The following EPHA4 variants were observed in gnomAD, a reference collection of about 807,000 sequenced individuals.
EPHA4 encodes the protein ephrin type-A receptor 4.
In EPHA4, 19 loss-of-function variants were observed where a neutral mutation model predicts 108.3. That is an observed-to-expected ratio of 0.18 (90% CI 0.12 to 0.26). The LOEUF is 0.26. EPHA4 is among the 10% of genes least tolerant of loss of function. The pLI, the probability that EPHA4 is intolerant of heterozygous loss-of-function variation, is 1.00. For synonymous variants in EPHA4, 449 were observed against 455.5 expected (o/e 0.99, Z 0.18); for missense variants, 917 against 1,254.0 (o/e 0.73, Z 4.06).
rs78592838 is a variant in EPHA4 at position 221,434,304 on chromosome 2, G to A, written c.2347-13C>T. 5.5e-3 allele frequency: 8,929 copies of A among 1,612,912 alleles called. 40 individuals are homozygous for A. The highest frequency in any genetic ancestry group is 6.8e-3 in the Non-Finnish European group (7,980 of 1,179,448). On this transcript the variant is annotated splice_polypyrimidine_tract_variant and intron_variant, in intron 13 of 17. Coordinates refer to ENST00000281821, the MANE Select transcript of EPHA4 (RefSeq NM_004438.5). The stretch of plus-strand genomic sequence containing the variant: ...GAATCTTGCCACCCTGTGAACATTT[G>A]AGCCATAAGTTATTCCTTAAGTACA...
chr2:221,468,866 A>T (rs1051938593), intron 5 of EPHA4, among the ~76,000 whole-genome samples: 3 of 152,260 alleles, frequency 2.0e-5, no homozygotes, highest in Non-Finnish European at 4.4e-5. Flanking sequence ...CAATAAATAG[A>T]TCCACTATGG....
chr2:221,426,319 G>C lies in EPHA4; in HGVS notation c.2846+145C>G, dbSNP rs1689908877. The C allele has an allele frequency of 2.8e-6, 3 of 1,064,576 alleles. No individual in the cohort carries two copies. In the Admixed American group the frequency reaches 8.3e-5, roughly 30 times the overall value. The allele number at this position is 1,064,576 out of a possible 1,614,324, so 65.9% of individuals were successfully genotyped here. ...TGCAAGAATGTAGATACTTTATAGA[G>C]GCTGTGTAAAATTATACTCAATCAA... On this transcript the variant is annotated intron_variant, in intron 16 of 17. Coordinates refer to ENST00000281821, the MANE Select transcript of EPHA4 (RefSeq NM_004438.5).
At chr2:221,560,389 G>T (rs1025795205) in intron 3 of EPHA4, among the ~76,000 whole-genome samples, 3 of 151,522 alleles carry the variant, frequency 2.0e-5, no homozygotes, top group Non-Finnish European at 4.4e-5. Flanking sequence ...CTTTTTGCTC[G>T]TTCAAAGGAA....
intron 3 of EPHA4, among the ~76,000 whole-genome samples, chr2:221,547,939 C>T (rs1448856387): frequency 6.6e-6 from 1 of 152,192 alleles, no homozygotes; most frequent in Non-Finnish European, 1.5e-5. Flanking sequence ...ATTCCAGATA[C>T]TTTTGTGAAA....
intron 3 of EPHA4, among the ~76,000 whole-genome samples, chr2:221,558,428 G>A (rs13427478): frequency 0.01 from 1,520 of 151,870 alleles, 30 homozygotes; most frequent in African/African-American, 0.034. Context: ...CCAATTACCC[G>A]TTCCCCCACC....
intron 3 of EPHA4, among the ~76,000 whole-genome samples, chr2:221,528,165 T>C (rs773889279): frequency 1.3e-5 from 2 of 152,232 alleles, no homozygotes; most frequent in Non-Finnish European, 2.9e-5. Flanking sequence ...CTGTAATCCA[T>C]AGTAAAAGTC....
chr2:221,545,324 C>T (rs1467752320), intron 3 of EPHA4, among the ~76,000 whole-genome samples: 1 of 152,022 alleles, frequency 6.6e-6, no homozygotes, highest in East Asian at 1.9e-4. Context: ...AAAAAATTAG[C>T]CAGGCGTGGT....
At chr2:221,458,012 C>T in intron 5 of EPHA4, 22 bp from the exon 6 acceptor site, 6 of 1,597,584 alleles carry the variant, frequency 3.8e-6, no homozygotes, top group Non-Finnish European at 5.1e-6. Flanking sequence ...AAACAAAAGA[C>T]AAAAGATATT....
intron 14 of EPHA4, among the ~76,000 whole-genome samples, chr2:221,432,138 T>G (rs934633134): frequency 2.8e-5 from 4 of 144,704 alleles, no homozygotes; most frequent in Admixed American, 6.8e-5. Flanking sequence ...TTTTTTTATA[T>G]ATATGTGTGT....
chr2:221,469,552 C>T (rs1691413125), intron 5 of EPHA4, among the ~76,000 whole-genome samples: 1 of 152,108 alleles, frequency 6.6e-6, no homozygotes, highest in Admixed American at 6.6e-5. Flanking sequence ...GCTCAAGGGG[C>T]TGAATTCCTT....
chr2:221,437,455 A>T (rs1324514635), intron 11 of EPHA4: 1 of 206,540 alleles, frequency 4.8e-6, no homozygotes, highest in East Asian at 1.1e-4. Flanking sequence ...GCCTGTTTCA[A>T]TGCAGAAATA....
intron 3 of EPHA4, among the ~76,000 whole-genome samples, chr2:221,561,374 C>T (rs1694459554): frequency 6.6e-6 from 1 of 152,070 alleles, no homozygotes; most frequent in Non-Finnish European, 1.5e-5. Flanking sequence ...AACCAAAGTG[C>T]AAGGTCTTGT....
At chr2:221,553,712 G>T (rs1011439696) in intron 3 of EPHA4, among the ~76,000 whole-genome samples, 3 of 152,110 alleles carry the variant, frequency 2.0e-5, no homozygotes, top group African/African-American at 7.2e-5. Context: ...AACCTTTTTC[G>T]CCTTGCTTCT....
In EPHA4 at chr2:221,523,539, G is replaced by A. The variant is rs189265999; in HGVS notation, c.824-22367C>T. On this transcript the variant is annotated intron_variant, in intron 3 of 17. Transcript: ENST00000281821. ...CAACCTCAGGTGATCTGCCCATGTC[G>A]GCCTCCCAAATTGTTGAGATTACAA... 4.4e-3 allele frequency among the ~76,000 whole-genome samples: 667 copies of A among 152,028 alleles called. 3 individuals are homozygous for A. The highest frequency in any genetic ancestry group is 9.6e-3 in the Admixed American group (146 of 15,266).
chr2:221,529,319 G>A (rs945269533), intron 3 of EPHA4, among the ~76,000 whole-genome samples: 1 of 152,164 alleles, frequency 6.6e-6, no homozygotes, highest in African/African-American at 2.4e-5. Flanking sequence ...GAGAGGCTGG[G>A]AGAAGGGGCG....
chr2:221,566,981 A>G (rs942902716), intron 2 of EPHA4, among the ~76,000 whole-genome samples: 2 of 128,376 alleles, frequency 1.6e-5, no homozygotes, highest in Non-Finnish European at 3.4e-5. Context: ...AAGAAGAAGA[A>G]GAAGAAGAAG....
chr2:221,564,839 A>G (rs779432880), intron 2 of EPHA4, among the ~76,000 whole-genome samples: 2 of 146,998 alleles, frequency 1.4e-5, no homozygotes, highest in African/African-American at 2.5e-5. Context: ...GAAGACAATT[A>G]TCAGTTAATT....
intron 3 of EPHA4, among the ~76,000 whole-genome samples, chr2:221,558,302 A>AT (rs1277066028): frequency 7.2e-5 from 11 of 152,002 alleles, no homozygotes; most frequent in Non-Finnish European, 1.6e-4. Context: ...GTATGGGTGG[A>AT]TGTGGGTGTG....
At chr2:221,446,203 A>G (rs778934450) in intron 8 of EPHA4, 22 bp from the exon 9 acceptor site, 2 of 1,451,674 alleles carry the variant, frequency 1.4e-6, no homozygotes, top group South Asian at 3.0e-5. Flanking sequence ...TTTTTAAAAA[A>G]GAGAATTATT....
Sources: gnomAD v4.1 joint callset for allele counts (sites outside exome capture counted in the v4.1 genomes callset) on GRCh38, gnomAD v4.1.1 for gene constraint, MANE v1.5 for transcripts, NCBI Gene and HGNC (gene_info 2026-07-23, HGNC 2026-07-21) for gene names.